The following PCDHGA1 variants were observed in gnomAD, a reference collection of about 807,000 sequenced individuals.
The protein encoded by PCDHGA1 is protocadherin gamma subfamily A, 1.
Under a neutral mutation model 58.0 loss-of-function variants are expected in PCDHGA1, and 32 were observed. The observed-to-expected ratio is 0.55, with a 90% CI of 0.42 to 0.74. The LOEUF is 0.74. Among genes scored for constraint, PCDHGA1 ranks in the 30% least tolerant of loss-of-function variants. The pLI is 0.00. For synonymous variants in PCDHGA1, 498 were observed against 501.1 expected (o/e 0.99, Z 0.08); for missense variants, 1,205 against 1,182.3 (o/e 1.02, Z -0.28).
intron 2 of PCDHGA1, among the ~76,000 whole-genome samples, chr5:141,503,456 A>G (rs920770738): frequency 1.3e-5 from 2 of 152,058 alleles, no homozygotes; most frequent in African/African-American, 4.8e-5. Context: ...TTCGCTGGGC[A>G]TGGTGGCATG....
chr5:141,473,147 T>A (rs2099315103), intron 1 of PCDHGA1, among the ~76,000 whole-genome samples: 1 of 152,222 alleles, frequency 6.6e-6, no homozygotes, highest in Admixed American at 6.5e-5. Flanking sequence ...TCTCTTCAGA[T>A]CACTAGGGCT....
Position 141,408,292 on chromosome 5 carries a change from T to C in PCDHGA1, c.2421+75187T>C, listed in dbSNP as rs752767472. On this transcript the variant is annotated intron_variant, in intron 1 of 3. Coordinates refer to ENST00000517417, the MANE Select transcript of PCDHGA1 (RefSeq NM_018912.3). ...TGCCTTTGTTCTACCCCACCCTGAGTGAGCCGATCCGCTACTCGATTCCGG... is the reference window on the plus strand; with the variant it reads ...TGCCTTTGTTCTACCCCACCCTGAGCGAGCCGATCCGCTACTCGATTCCGG... The C allele has an allele frequency of 5.0e-6, 8 of 1,613,504 alleles. No homozygotes were observed. The South Asian group carries it at 8.8e-5, about 18-fold the overall frequency.
chr5:141,453,796 T>C (rs1592274016), intron 1 of PCDHGA1, among the ~76,000 whole-genome samples: 1 of 152,242 alleles, frequency 6.6e-6, no homozygotes, highest in East Asian at 1.9e-4. Context: ...ATATTAACTT[T>C]GAGTAGTTCC....
At chr5:141,479,866 A>G (rs1020197891) in intron 1 of PCDHGA1, among the ~76,000 whole-genome samples, 2 of 152,204 alleles carry the variant, frequency 1.3e-5, no homozygotes, top group African/African-American at 2.4e-5. Context: ...TTTGCCCTGG[A>G]GAGAACCCTA....
At position 141,413,304 on chromosome 5, in the gene PCDHGA1, A is replaced by T; in HGVS notation, c.2421+80199A>T. The T allele has an allele frequency of 1.9e-6, 3 of 1,613,982 alleles. No individual in the cohort carries two copies. The Admixed American group carries it at 5.0e-5, about 27-fold the overall frequency. On this transcript the variant is annotated intron_variant, in intron 1 of 3. Transcript: ENST00000517417. Reference sequence around the variant, plus strand: ...TCTCCTACTCAATTCCTGAGGAATTAGAGAAAGGCTCTTTCGTGGGCAACA... The same window carrying T: ...TCTCCTACTCAATTCCTGAGGAATTTGAGAAAGGCTCTTTCGTGGGCAACA...
At position 141,357,060 on chromosome 5, in the gene PCDHGA1, G is replaced by A. The variant is rs755597830; in HGVS notation, c.2421+23955G>A. The A allele has an allele frequency of 2.5e-6, 4 of 1,613,996 alleles. No individual in the cohort carries two copies. The South Asian group carries it at 3.3e-5, about 13-fold the overall frequency. ...GCGAGCCGGGACTATTTGCAGTGGG[G>A]CTGCACACAGGCGAGGTGCGCACCG... is the stretch of plus-strand genomic sequence containing the variant. On this transcript the variant is annotated intron_variant, in intron 1 of 3. Coordinates refer to ENST00000517417, the MANE Select transcript of PCDHGA1 (RefSeq NM_018912.3).
Position 141,422,925 on chromosome 5 carries a change from T to G in PCDHGA1, c.2422-71882T>G, listed in dbSNP as rs568894245. On this transcript the variant is annotated intron_variant, in intron 1 of 3. Transcript: ENST00000517417. ...ACAATGCGCCCGAGATCCTGTACCC[T>G]GCCCTCCCCACAGACGGCTCCACTG... 1.9e-6 allele frequency: 3 copies of G among 1,614,202 alleles called. No individual in the cohort carries two copies. The Admixed American group carries it at 5.0e-5, about 27-fold the overall frequency.
intron 1 of PCDHGA1, among the ~76,000 whole-genome samples, chr5:141,451,032 A>G: frequency 6.6e-6 from 1 of 150,486 alleles, no homozygotes; most frequent in Non-Finnish European, 1.5e-5. Context: ...GTTTCACCAT[A>G]TTGGCCAGGC....
chr5:141,412,975 C>G (rs1221821871), intron 1 of PCDHGA1: 3 of 532,642 alleles, frequency 5.6e-6, no homozygotes, highest in Non-Finnish European at 9.7e-6. Flanking sequence ...AGAGAAAACG[C>G]AGCCAGAGCT....
In PCDHGA1 at chr5:141,332,680, G is replaced by T; in HGVS notation, c.1996G>T (p.Asp666Tyr). ...TGTCACGCTCACCGTGGCCGTGGCC[G>T]ACAGGATCTCCGACATCCTGGCCGA... The part of the protein sequence containing the change: ...ATVTLTVAVA[D>Y]RISDILADLG... The change falls in exon 1 of 4, where the codon GAC becomes TAC. Residue 666 changes from aspartate (D) to tyrosine (Y), a missense_variant. By Grantham distance (160) the Asp-to-Tyr change is radical (BLOSUM62 -3). Transcript: ENST00000517417. The surrounding 1 kb of genome is among the most constrained non-coding windows in gnomAD (Gnocchi z 4.6). 2.5e-6 allele frequency: 4 copies of T among 1,613,764 alleles called. No individual in the cohort carries two copies. Among genetic ancestry groups the T allele is most frequent in the Non-Finnish European group, 2.5e-6 (3 of 1,179,944 alleles).
At chr5:141,344,891 G>A (rs1757488219) in intron 1 of PCDHGA1, 4 of 1,613,898 alleles carry the variant, frequency 2.5e-6, no homozygotes, top group Non-Finnish European at 2.5e-6. Flanking sequence ...AAATGCCTGG[G>A]AAAATCGCTG....
Position 141,485,684 on chromosome 5 carries a change from A to T in PCDHGA1, c.2422-9123A>T, listed in dbSNP as rs746176226. On this transcript the variant is annotated intron_variant, in intron 1 of 3. Transcript: ENST00000517417. The surrounding 1 kb of genome is among the most constrained non-coding windows in gnomAD (Gnocchi z 5.7). ...GGGGAGCAATTCGATTAGCAGCTAT[A>T]GGCTGAGCTCCAATGAACACTTTGC... 1 of 1,614,056 alleles carries T rather than the reference A, an allele frequency of 6.2e-7. No homozygotes were observed. The highest frequency in any genetic ancestry group is 1.1e-5 in the South Asian group (1 of 91,082).
intron 1 of PCDHGA1, chr5:141,478,470 G>A (rs753075137): frequency 1.2e-6 from 2 of 1,613,686 alleles, no homozygotes; most frequent in Non-Finnish European, 1.7e-6. Context: ...CTGGCCAGCC[G>A]CCAGAACACG....
rs73265845 is a variant in PCDHGA1, at chr5:141,370,729, A to T, written c.2421+37624A>T. On this transcript the variant is annotated intron_variant, in intron 1 of 3. Coordinates refer to ENST00000517417, the MANE Select transcript of PCDHGA1 (RefSeq NM_018912.3). The stretch of plus-strand genomic sequence containing the variant: ...CTGGAATTTGAAATGGTTGCTGAAA[A>T]GCCTTTAAACTTTTTTCATGTAACT... The T allele has an allele frequency of 1.5e-3, 2,398 of 1,613,868 alleles. 32 individuals are homozygous for T. In the African/African-American group the frequency reaches 0.028, roughly 19 times the overall value.
chr5:141,442,930 T>C (rs77210959), intron 1 of PCDHGA1, among the ~76,000 whole-genome samples: 6,420 of 152,302 alleles, frequency 0.042, 216 homozygotes, highest in African/African-American at 0.092. Flanking sequence ...TCATTTTCTA[T>C]TTAAGAAACT....
At chr5:141,393,845 AC>A in intron 1 of PCDHGA1, 1 of 1,613,966 alleles carries the variant, frequency 6.2e-7, no homozygotes, top group South Asian at 1.1e-5. Flanking sequence ...ATGACAATAG[AC>A]CAGAAGTGAT....
At chr5:141,362,497 G>A in intron 1 of PCDHGA1, 1 of 1,613,986 alleles carries the variant, frequency 6.2e-7, no homozygotes, top group Non-Finnish European at 8.5e-7. Context: ...TGCCTCTTGG[G>A]AACAAAATAC....
rs759346998 is a variant in PCDHGA1 at position 141,410,849 on chromosome 5, C to CTTTTTTTTTT, written c.2421+77757_2421+77766dup. ...CAGACTGAAGATATTTTGTCTTTGT[C>CTTTTTTTTTT]TTTTTTTTTTTTTTTTTTTTTTGAG... On this transcript the variant is annotated intron_variant, in intron 1 of 3. Coordinates refer to ENST00000517417, the MANE Select transcript of PCDHGA1 (RefSeq NM_018912.3). 91 of 138,162 alleles carry CTTTTTTTTTT rather than the reference C, an allele frequency of 6.6e-4. 6 individuals are homozygous for CTTTTTTTTTT. The highest frequency in any genetic ancestry group is 2.3e-3 in the African/African-American group (38 of 16,624). The allele number at this position is 138,162 out of a possible 1,614,324, so 8.6% of individuals were successfully genotyped here. A position where few individuals can be genotyped will look rare whatever the true frequency, so the allele number is the denominator to read the frequency against.
At chr5:141,405,326 T>TGC in intron 1 of PCDHGA1, 1 of 1,614,220 alleles carries the variant, frequency 6.2e-7, no homozygotes, top group Non-Finnish European at 8.5e-7. Flanking sequence ...TGAGCCTTTG[T>TGC]GCGTCTCTGT....
Sources: gnomAD v4.1 joint callset for allele counts (sites outside exome capture counted in the v4.1 genomes callset) on GRCh38, gnomAD v4.1.1 for gene constraint, Gnocchi (gnomAD v3.1) non-coding constraint, MANE v1.5 for transcripts, NCBI Gene and HGNC (gene_info 2026-07-23, HGNC 2026-07-21) for gene names.